The following OPCML variants were observed in gnomAD, a reference collection of about 807,000 sequenced individuals.
OPCML encodes opioid-binding protein/cell adhesion molecule.
Under a neutral mutation model 37.8 loss-of-function variants are expected in OPCML, and 13 were observed. That is an observed-to-expected ratio of 0.34 (90% CI 0.22 to 0.55). The LOEUF (loss-of-function observed/expected upper bound fraction) is 0.55. Ranked by LOEUF, OPCML falls within the 20% of genes least tolerant of loss-of-function variation. The pLI is 0.91. For missense variants in OPCML, 341 were observed against 435.6 expected, an observed-to-expected ratio of 0.78 and a Z score of 1.93; for synonymous variants, 176 against 168.8, an observed-to-expected ratio of 1.04 and a Z score of -0.33.
intron 3 of OPCML, among the ~76,000 whole-genome samples, chr11:132,563,409 A>G (rs1377936756): frequency 6.6e-6 from 1 of 151,918 alleles, no homozygotes; most frequent in East Asian, 1.9e-4. Flanking sequence ...TTCTCCCCGA[A>G]TGTCTCTGGG....
chr11:133,033,113 C>T (rs930167234), intron 1 of OPCML, among the ~76,000 whole-genome samples: 5 of 152,030 alleles, frequency 3.3e-5, no homozygotes, highest in African/African-American at 4.8e-5. Context: ...CAGATATTAC[C>T]CAGAAAAGGC....
At chr11:132,547,370 T>A (rs947657763) in intron 3 of OPCML, among the ~76,000 whole-genome samples, 4 of 152,088 alleles carry the variant, frequency 2.6e-5, no homozygotes, top group Non-Finnish European at 5.9e-5. Context: ...CAAGAGTAAA[T>A]GGCATGCAGG....
chr11:133,473,172 TC>T (rs150645973), intron 1 of OPCML, among the ~76,000 whole-genome samples: 1 of 151,846 alleles, frequency 6.6e-6, no homozygotes, highest in African/African-American at 2.4e-5. Context: ...GACTTTGACC[TC>T]CCCCTAAGGC....
chr11:132,664,074 C>T (rs543714858), intron 2 of OPCML, among the ~76,000 whole-genome samples: 26 of 152,204 alleles, frequency 1.7e-4, no homozygotes, highest in South Asian at 1.5e-3. Context: ...CCTCATGATC[C>T]GCCCGCCTCG....
chr11:132,536,640 A>C lies in OPCML; in HGVS notation c.380-7454T>G, dbSNP rs189921069. On this transcript the variant is annotated intron_variant, in intron 3 of 7. Coordinates refer to ENST00000524381, the MANE Select transcript of OPCML (RefSeq NM_001012393.5). Reference sequence around the variant, plus strand: ...AAACACTCAAGGCTATTTTACAAAAATAATACCGAAAAGACTTTTAAGGAT... The same window carrying C: ...AAACACTCAAGGCTATTTTACAAAACTAATACCGAAAAGACTTTTAAGGAT... Among the ~76,000 whole-genome samples the C allele has an allele frequency of 3.5e-3, 537 of 152,356 alleles. 1 individual carries two copies. Among genetic ancestry groups the C allele is most frequent in the Middle Eastern group, 0.02 (6 of 294 alleles).
chr11:132,535,798 C>T (rs372717968), intron 3 of OPCML, among the ~76,000 whole-genome samples: 19 of 152,130 alleles, frequency 1.2e-4, no homozygotes, highest in African/African-American at 4.6e-4. Flanking sequence ...CGGTTTCCTC[C>T]CCTAGGAGGA....
At chr11:133,349,303 T>G (rs1048451720) in intron 1 of OPCML, among the ~76,000 whole-genome samples, 1 of 152,258 alleles carries the variant, frequency 6.6e-6, no homozygotes, top group African/African-American at 2.4e-5. Context: ...ATTTATAGAC[T>G]TAGCAATGCA....
intron 3 of OPCML, among the ~76,000 whole-genome samples, chr11:132,606,075 T>A (rs549224015): frequency 2.6e-5 from 4 of 152,326 alleles, no homozygotes; most frequent in Non-Finnish European, 5.9e-5. Context: ...TCAAGTACAC[T>A]TTAAAGCTGT....
chr11:133,001,015 A>G (rs1418084919), intron 1 of OPCML, among the ~76,000 whole-genome samples: 2 of 152,074 alleles, frequency 1.3e-5, no homozygotes, highest in East Asian at 3.9e-4. Context: ...GCCATGAGTA[A>G]AATCTCCCTG....
At chr11:133,058,689 G>T (rs61910334) in intron 1 of OPCML, among the ~76,000 whole-genome samples, 377 of 152,236 alleles carry the variant, frequency 2.5e-3, no homozygotes, top group African/African-American at 8.4e-3. Context: ...CTGGGTTTTC[G>T]CTTCTCCTCT....
At chr11:132,544,240 A>G (rs1310953203) in intron 3 of OPCML, among the ~76,000 whole-genome samples, 3 of 152,030 alleles carry the variant, frequency 2.0e-5, no homozygotes, top group African/African-American at 4.8e-5. Flanking sequence ...ATGGCTTCCC[A>G]GTACTCCAGA....
intron 1 of OPCML, among the ~76,000 whole-genome samples, chr11:133,396,536 G>A (rs1285475135): frequency 6.6e-6 from 1 of 151,978 alleles, no homozygotes; most frequent in Non-Finnish European, 1.5e-5. Flanking sequence ...TTTACCCCAA[G>A]GCTCAACTCA....
At chr11:133,398,151 G>C (rs1410099209) in intron 1 of OPCML, among the ~76,000 whole-genome samples, 1 of 152,148 alleles carries the variant, frequency 6.6e-6, no homozygotes, top group Non-Finnish European at 1.5e-5. Context: ...TGCAAACATA[G>C]ACATCTCATG....
At chr11:132,990,617 T>C (rs1329899646) in intron 1 of OPCML, among the ~76,000 whole-genome samples, 1 of 152,208 alleles carries the variant, frequency 6.6e-6, no homozygotes, top group Non-Finnish European at 1.5e-5. Context: ...CTTTCCAAGA[T>C]GCCCCCAGAA....
At chr11:133,128,269 T>C (rs1336206814) in intron 1 of OPCML, among the ~76,000 whole-genome samples, 1 of 152,292 alleles carries the variant, frequency 6.6e-6, no homozygotes, top group East Asian at 1.9e-4. Flanking sequence ...AATACCCCTA[T>C]GGAGGTGGAA....
intron 1 of OPCML, among the ~76,000 whole-genome samples, chr11:133,429,287 C>T (rs1033089074): frequency 6.6e-6 from 1 of 152,130 alleles, no homozygotes; most frequent in Non-Finnish European, 1.5e-5. Flanking sequence ...TGAAGGAGAC[C>T]AAATCTTCCT....
intron 4 of OPCML, among the ~76,000 whole-genome samples, chr11:132,500,295 A>G (rs76915173): frequency 0.023 from 3,431 of 152,276 alleles, 91 homozygotes; most frequent in Admixed American, 0.063. Flanking sequence ...TCCTCATCCA[A>G]TTTGATAGGT....
At chr11:132,891,406 A>G (rs1385684886) in intron 2 of OPCML, among the ~76,000 whole-genome samples, 19 of 152,214 alleles carry the variant, frequency 1.2e-4, no homozygotes, top group Admixed American at 1.2e-3. Context: ...TTTTCTTAAA[A>G]TACTTACCAA....
intron 1 of OPCML, among the ~76,000 whole-genome samples, chr11:133,278,957 T>A (rs1443029378): frequency 6.6e-6 from 1 of 152,168 alleles, no homozygotes. Context: ...AGAAGAGGAA[T>A]TACATCCCGA....
Sources: gnomAD v4.1 joint callset for allele counts (sites outside exome capture counted in the v4.1 genomes callset) on GRCh38, gnomAD v4.1.1 for gene constraint, MANE v1.5 for transcripts, NCBI Gene and HGNC (gene_info 2026-07-23, HGNC 2026-07-21) for gene names.